The following RHBDD1 variants were observed in gnomAD, a reference collection of about 807,000 sequenced individuals.
RHBDD1 encodes the protein rhomboid-related protein 4.
Under a neutral mutation model 36.3 loss-of-function variants are expected in RHBDD1, and 38 were observed. That is an observed-to-expected ratio of 1.05 (90% CI 0.81 to 1.37). The LOEUF (loss-of-function observed/expected upper bound fraction) is 1.37. Ranked by LOEUF, RHBDD1 falls within the 40% of genes most tolerant of loss-of-function variation. The pLI, the probability that RHBDD1 is intolerant of heterozygous loss-of-function variation, is 0.00. For missense variants in RHBDD1, 393 were observed against 377.6 expected, an observed-to-expected ratio of 1.04 and a Z score of -0.34; for synonymous variants, 151 against 136.5, an observed-to-expected ratio of 1.11 and a Z score of -0.74.
intron 3 of RHBDD1, among the ~76,000 whole-genome samples, chr2:226,857,135 G>T (rs922469000): frequency 5.3e-5 from 8 of 152,062 alleles, no homozygotes; most frequent in Non-Finnish European, 8.8e-5. Context: ...ACGTGTGCTT[G>T]TGTGTGTGCC....
intron 3 of RHBDD1, among the ~76,000 whole-genome samples, chr2:226,851,734 C>T (rs1942835652): frequency 6.6e-6 from 1 of 152,128 alleles, no homozygotes; most frequent in African/African-American, 2.4e-5. Flanking sequence ...GTTAAACTGA[C>T]ACATGAGCCT....
At chr2:226,944,649 C>T (rs1400504577) in intron 8 of RHBDD1, among the ~76,000 whole-genome samples, 1 of 152,194 alleles carries the variant, frequency 6.6e-6, no homozygotes, top group Non-Finnish European at 1.5e-5. Flanking sequence ...ATATCATTCA[C>T]TCTAAACTCA....
the RHBDD1 span, among the ~76,000 whole-genome samples, chr2:226,827,044 G>A: frequency 4.0e-5 from 6 of 151,870 alleles, no homozygotes; most frequent in East Asian, 3.9e-4. Context: ...CTGTGGCCTC[G>A]GCCTCCTGGG....
At chr2:226,887,844 A>G (rs1013269468) in intron 5 of RHBDD1, among the ~76,000 whole-genome samples, 2 of 152,222 alleles carry the variant, frequency 1.3e-5, no homozygotes, top group African/African-American at 4.8e-5. Flanking sequence ...ATACTATCTG[A>G]TCCATCTTTT....
chr2:226,900,920 A>G (rs988579026), intron 5 of RHBDD1, among the ~76,000 whole-genome samples: 4 of 152,210 alleles, frequency 2.6e-5, no homozygotes, highest in Non-Finnish European at 5.9e-5. Flanking sequence ...TTTCAAGTGT[A>G]CAATGTAATG....
the RHBDD1 span, among the ~76,000 whole-genome samples, chr2:226,815,643 A>G: frequency 2.0e-5 from 3 of 152,230 alleles, no homozygotes; most frequent in African/African-American, 7.2e-5. Flanking sequence ...AGTAAAGATT[A>G]GAACTTGCCA....
intron 8 of RHBDD1, among the ~76,000 whole-genome samples, chr2:226,924,576 A>AC (rs1188665002): frequency 6.6e-6 from 1 of 152,196 alleles, no homozygotes; most frequent in Non-Finnish European, 1.5e-5. Context: ...CCAGCACAGC[A>AC]CCAGAGCTTA....
chr2:226,883,192 C>G (rs1211069134), intron 5 of RHBDD1, among the ~76,000 whole-genome samples: 1 of 152,204 alleles, frequency 6.6e-6, no homozygotes, highest in Non-Finnish European at 1.5e-5. Context: ...AACATTAACT[C>G]TCATTGACCC....
chr2:226,838,788 C>T (rs1446061336), intron 2 of RHBDD1, among the ~76,000 whole-genome samples: 3 of 152,096 alleles, frequency 2.0e-5, no homozygotes. Context: ...AAAACAAACA[C>T]TTGAAAAAAG....
intron 3 of RHBDD1, among the ~76,000 whole-genome samples, chr2:226,842,985 C>A (rs994175195): frequency 6.6e-6 from 1 of 152,124 alleles, no homozygotes; most frequent in Non-Finnish European, 1.5e-5. Flanking sequence ...AGAGGTCTTT[C>A]ACTTCCCTTG....
chr2:226,955,427 A>G (rs1160313543), intron 8 of RHBDD1, among the ~76,000 whole-genome samples: 1 of 152,158 alleles, frequency 6.6e-6, no homozygotes, highest in East Asian at 1.9e-4. Context: ...TGTTGTTTTG[A>G]TGTTACTCTT....
At chr2:226,983,843 G>A (rs1293992574) in intron 8 of RHBDD1, among the ~76,000 whole-genome samples, 1 of 152,046 alleles carries the variant, frequency 6.6e-6, no homozygotes, top group Non-Finnish European at 1.5e-5. Context: ...CAAGTGGAAG[G>A]GAGTGAGAAA....
chr2:226,944,169 G>A (rs903823306), intron 8 of RHBDD1, among the ~76,000 whole-genome samples: 2 of 152,220 alleles, frequency 1.3e-5, no homozygotes, highest in Non-Finnish European at 2.9e-5. Flanking sequence ...CAATGGCTGT[G>A]CAGGATGTTT....
chr2:226,878,762 C>T (rs887868436), intron 5 of RHBDD1, among the ~76,000 whole-genome samples: 1 of 152,154 alleles, frequency 6.6e-6, no homozygotes, highest in African/African-American at 2.4e-5. Flanking sequence ...TCCAAGAAAA[C>T]GTTTCTTTGG....
Position 226,914,285 on chromosome 2 carries a change from T to A in RHBDD1, c.790T>A (p.Tyr264Asn), listed in dbSNP as rs763647117. Residue 264 changes from tyrosine (Y) to asparagine (N), a missense_variant, in exon 8 of 9, where the codon TAC (tyrosine) becomes AAC (asparagine). Transcript: ENST00000392062. ...YEEAPRNYDT[Y>N]TAGLSEEEQL... Reference sequence around the variant, plus strand: ...AGAAGCACCCAGGAACTATGACACGTACACAGCAGGACTGAGTGAAGAAGA... The same window carrying A: ...AGAAGCACCCAGGAACTATGACACGAACACAGCAGGACTGAGTGAAGAAGA... 46 of 1,613,742 alleles carry A rather than the reference T, an allele frequency of 2.9e-5. No homozygotes were observed. The highest frequency in any genetic ancestry group is 3.9e-5 in the Non-Finnish European group (46 of 1,179,836).
At chr2:226,816,770 C>T in the RHBDD1 span, among the ~76,000 whole-genome samples, 1 of 152,070 alleles carries the variant, frequency 6.6e-6, no homozygotes. Context: ...GTGGCAGGCA[C>T]CTGTAATTCC....
intron 8 of RHBDD1, among the ~76,000 whole-genome samples, chr2:226,936,360 T>A (rs937305768): frequency 5.9e-5 from 9 of 152,180 alleles, no homozygotes. Flanking sequence ...TTTTCAAATC[T>A]ATGAAATTAG....
At chr2:226,987,274 A>G (rs1168879201) in intron 8 of RHBDD1, among the ~76,000 whole-genome samples, 1 of 152,122 alleles carries the variant, frequency 6.6e-6, no homozygotes, top group Non-Finnish European at 1.5e-5. Context: ...GCAAACCACC[A>G]TGGCACACAT....
intron 8 of RHBDD1, chr2:226,935,257 A>G (rs1345742519): frequency 6.6e-6 from 1 of 152,144 alleles, no homozygotes; most frequent in African/African-American, 2.4e-5. Flanking sequence ...TTAGATTTCA[A>G]ATTAATATGT....
Sources: gnomAD v4.1 joint callset for allele counts (sites outside exome capture counted in the v4.1 genomes callset) on GRCh38, gnomAD v4.1.1 for gene constraint, MANE v1.5 for transcripts, NCBI Gene and HGNC (gene_info 2026-07-23, HGNC 2026-07-21) for gene names.